FDPS: variants seen among roughly 807,000 people sequenced by gnomAD.
The protein encoded by FDPS is farnesyl pyrophosphate synthase.
FDPS carries 29 observed loss-of-function variants against 49.5 expected under a neutral mutation model. The ratio of observed to expected loss-of-function variants is 0.59; its 90% CI spans 0.44 to 0.80. The LOEUF is 0.80. Ranked by LOEUF, FDPS falls within the 30% of genes least tolerant of loss-of-function variation. The pLI, the probability that FDPS is intolerant of heterozygous loss-of-function variation, is 0.00. For synonymous variants in FDPS, 172 were observed against 206.4 expected, an observed-to-expected ratio of 0.83 and a Z score of 1.43; for missense variants, 414 against 525.6, an observed-to-expected ratio of 0.79 and a Z score of 2.08.
At position 155,309,903 on chromosome 1, in the gene FDPS, G is replaced by A; in HGVS notation, c.114G>A (p.Gly38=). The change falls in exon 2 of 11, where the codon GGG becomes GGA. Residue 38 remains glycine, a synonymous_variant. Transcript: ENST00000368356. ...TACGGCGGCCCTCCCTGGTGCACGG[G>A]TACCCAGTCCTGGCCTGGCACAGTG... ...GSLRRPSLVH[G]YPVLAWHSAR... 5 of 1,598,988 alleles carry A rather than the reference G, an allele frequency of 3.1e-6. No individual in the cohort carries two copies. Among genetic ancestry groups the A allele is most frequent in the South Asian group, 1.1e-5 (1 of 89,832 alleles).
intron 3 of FDPS, among the ~76,000 whole-genome samples, chr1:155,311,759 G>A (rs563312003): frequency 6.6e-6 from 1 of 152,202 alleles, no homozygotes; most frequent in East Asian, 1.9e-4. Context: ...GATGACTTGA[G>A]GTCAGTAGTT....
rs762376502 is a variant in FDPS at position 155,317,998 on chromosome 1, G to A, written c.538G>A (p.Gly180Arg). 1.9e-6 allele frequency: 3 copies of A among 1,613,756 alleles called. No individual in the cohort carries two copies. The highest frequency in any genetic ancestry group is 1.7e-5 in the Admixed American group (1 of 59,994). Residue 180 changes from glycine to arginine, a missense_variant, in exon 5 of 11, where the codon GGA becomes AGA. Gly to Arg is a moderately radical substitution (Grantham distance 125). Transcript: ENST00000368356. The part of the protein sequence containing the change: ...DIMDSSLTRR[G>R]QICWYQKPGV... ...CATGGATTCATCCCTTACCCGCCGG[G>A]GACAGATCTGCTGGTATCAGAAGGT...
rs138136567 is a variant in FDPS at position 155,312,060 on chromosome 1, G to A, written c.340-195G>A. On this transcript the variant is annotated intron_variant, in intron 3 of 10. Coordinates refer to ENST00000368356, the MANE Select transcript of FDPS (RefSeq NM_002004.4). ...CAGAAAGAATGTGCCTGGGTACTGG[G>A]ACCTCTTCTAGCTTTGCTCCAGAAA... 5.0e-3 allele frequency among the ~76,000 whole-genome samples: 755 copies of A among 152,292 alleles called. 4 individuals are homozygous for A. Among genetic ancestry groups the A allele is most frequent in the Middle Eastern group, 0.01 (3 of 294 alleles).
Position 155,318,950 on chromosome 1 carries a change from T to C in FDPS, c.846+22T>C. ...CATGGTGAGTGAGCCTCCTCACCCCTCTCTGCTCTGCTGATGGGGGCTTTT... is the reference window on the plus strand; with the variant it reads ...CATGGTGAGTGAGCCTCCTCACCCCCCTCTGCTCTGCTGATGGGGGCTTTT... On this transcript the variant is annotated intron_variant, in intron 8 of 10. Transcript: ENST00000368356. The surrounding 1 kb of genome is among the most constrained non-coding windows in gnomAD (Gnocchi z 4.2). 1 of 1,554,004 alleles carries C rather than the reference T, an allele frequency of 6.4e-7. No homozygotes were observed. The highest frequency in any genetic ancestry group is 8.9e-7 in the Non-Finnish European group (1 of 1,126,028).
In FDPS at chr1:155,310,155, G is replaced by A. The variant is rs780943048; in HGVS notation, c.289G>A (p.Asp97Asn). 40 of 1,613,800 alleles carry A rather than the reference G, an allele frequency of 2.5e-5. No homozygotes were observed. Among genetic ancestry groups the A allele is most frequent in the Non-Finnish European group, 3.2e-5 (38 of 1,179,852 alleles). ...CCAGATCGTTAGGGTGCTGACTGAGGATGAGATGGGGCACCCAGAGATAGG... is the reference window on the plus strand; with the variant it reads ...CCAGATCGTTAGGGTGCTGACTGAGAATGAGATGGGGCACCCAGAGATAGG... ...FSQIVRVLTE[D>N]EMGHPEIGDA... Residue 97 changes from aspartate to asparagine, a missense_variant, in exon 3 of 11, where the codon GAT becomes AAT. Transcript: ENST00000368356.
intron 8 of FDPS, 40 bp from the exon 9 acceptor site, chr1:155,319,571 A>T: frequency 6.2e-7 from 1 of 1,605,846 alleles, no homozygotes; most frequent in Non-Finnish European, 8.5e-7. Context: ...AGATGCCGGC[A>T]CCCCTGGGGT....
In FDPS at chr1:155,310,026, G is replaced by A; in HGVS notation, c.177-17G>A. The A allele has an allele frequency of 6.2e-7, 1 of 1,612,892 alleles. No individual in the cohort carries two copies. On this transcript the variant is annotated splice_polypyrimidine_tract_variant and intron_variant, in intron 2 of 10. Transcript: ENST00000368356. ...GAGCAGCTGATCAGGTTTCTGACTT[G>A]TTTTTCTTCTACTTAGAGCCCTTTG... is the stretch of plus-strand genomic sequence containing the variant.
chr1:155,309,611 C>A, intron 1 of FDPS, 178 bp from the exon 2 acceptor site: 1 of 541,696 alleles, frequency 1.8e-6, no homozygotes, highest in Non-Finnish European at 3.2e-6. Flanking sequence ...CCCAGCCATA[C>A]TTTTTTGTTC....
At chr1:155,319,015 C>T in intron 8 of FDPS, 87 bp downstream of exon 8, 1 of 958,646 alleles carries the variant, frequency 1.0e-6, no homozygotes, top group Admixed American at 1.9e-5. Context: ...AACACTGCTA[C>T]CCCTGGTGAA....
Position 155,309,919 on chromosome 1 carries a change from T to C in FDPS, c.130T>C (p.Trp44Arg). 6.2e-7 allele frequency: 1 copy of C among 1,603,156 alleles called. No homozygotes were observed. Among genetic ancestry groups the C allele is most frequent in the Non-Finnish European group, 8.5e-7 (1 of 1,173,060 alleles). ...GGTGCACGGGTACCCAGTCCTGGCC[T>C]GGCACAGTGCCCGCTGCTGGTGCCA... ...SLVHGYPVLA[W>R]HSARCWCQAW... The change falls in exon 2 of 11, where the codon TGG becomes CGG. Residue 44 changes from tryptophan to arginine, a missense_variant. By Grantham distance (101) the Trp-to-Arg change is moderately radical (BLOSUM62 -3). Transcript: ENST00000368356.
In FDPS at chr1:155,320,513, C is replaced by T. The variant is rs984081527; in HGVS notation, c.1164C>T (p.Tyr388=). ...TCTTGCAATATGAGGAAGACAGTTA[C>T]AGCCACATTATGGCTCTCATTGAAC... ...AVFLQYEEDS[Y]SHIMALIEQY... is the part of the protein sequence containing the mutation. Residue 388 remains tyrosine (Y), a synonymous_variant, in exon 11 of 11, where the codon TAC becomes TAT. Coordinates refer to ENST00000368356, the MANE Select transcript of FDPS (RefSeq NM_002004.4). 3 of 1,613,984 alleles carry T rather than the reference C, an allele frequency of 1.9e-6. No individual in the cohort carries two copies. The highest frequency in any genetic ancestry group is 1.1e-5 in the South Asian group (1 of 91,090).
Position 155,312,397 on chromosome 1 carries a change from T to G in FDPS, c.480+2T>G, listed in dbSNP as rs773507199. The G allele has an allele frequency of 4.5e-5, 73 of 1,612,960 alleles. No individual in the cohort carries two copies. The highest frequency in any genetic ancestry group is 6.1e-5 in the Non-Finnish European group (72 of 1,179,576). ...ACTGTGGGCTGGTGTGTGGAACTGGTGAGAGGGGTAGGGCAAGGGAGAAGA... is the reference window on the plus strand; with the variant it reads ...ACTGTGGGCTGGTGTGTGGAACTGGGGAGAGGGGTAGGGCAAGGGAGAAGA... On this transcript the variant is annotated splice_donor_variant, in intron 4 of 10. Coordinates refer to ENST00000368356, the MANE Select transcript of FDPS (RefSeq NM_002004.4). LOFTEE classifies it high-confidence loss of function.
intron 3 of FDPS, among the ~76,000 whole-genome samples, chr1:155,311,232 A>T (rs1025264699): frequency 6.6e-6 from 1 of 152,136 alleles, no homozygotes; most frequent in Non-Finnish European, 1.5e-5. Context: ...CCAGCTACTC[A>T]GGAGGCTGAG....
At chr1:155,309,765 G>A in intron 1 of FDPS, 24 bp from the exon 2 acceptor site, 1 of 1,510,714 alleles carries the variant, frequency 6.6e-7, no homozygotes, top group Middle Eastern at 2.1e-4. Context: ...AGTGCTTAGT[G>A]CCCCCTCCCT....
Position 155,312,352 on chromosome 1 carries a change from A to G in FDPS, c.437A>G (p.Asp146Gly). ...GTGGAGCCAAGGAAACAGGATGCTG[A>G]TAGTCTCCAGCGGGCCTGGACTGTG... Reference protein sequence around the residue: ...ELVEPRKQDADSLQRAWTVGW... With the variant: ...ELVEPRKQDAGSLQRAWTVGW... The change falls in exon 4 of 11, where the codon GAT (aspartate) becomes GGT (glycine). Residue 146 changes from aspartate to glycine, a missense_variant. Transcript: ENST00000368356. The G allele has an allele frequency of 6.2e-7, 1 of 1,613,864 alleles. No homozygotes were observed. Among genetic ancestry groups the G allele is most frequent in the Non-Finnish European group, 8.5e-7 (1 of 1,179,896 alleles).
intron 4 of FDPS, chr1:155,312,659 T>C: frequency 1.3e-5 from 5 of 392,872 alleles, no homozygotes; most frequent in Non-Finnish European, 2.4e-5. Flanking sequence ...GTGTCAGCTC[T>C]TTCCTCTGAG....
intron 10 of FDPS, 61 bp downstream of exon 10, chr1:155,319,989 A>C: frequency 2.4e-4 from 372 of 1,570,470 alleles, no homozygotes; most frequent in Non-Finnish European, 3.0e-4. Context: ...AGTGGTTCTC[A>C]ACTAGAGGCA....
rs1424030281 is a variant in FDPS at position 155,315,575 on chromosome 1, T to G, written c.481-2366T>G. On this transcript the variant is annotated intron_variant, in intron 4 of 10. Coordinates refer to ENST00000368356, the MANE Select transcript of FDPS (RefSeq NM_002004.4). ...GCAGGCGCCTGTAGTCCCAGCTATT[T>G]GGGAGGCTGAGGTAGGAGAATGGCG... is the stretch of plus-strand genomic sequence containing the variant. Among the ~76,000 whole-genome samples, 3 of 151,926 alleles carry G rather than the reference T, an allele frequency of 2.0e-5. No homozygotes were observed. In the East Asian group the frequency reaches 5.8e-4, roughly 29 times the overall value.
In FDPS at chr1:155,318,638, C is replaced by T. The variant is rs766711583; in HGVS notation, c.685-27C>T. 14 of 1,555,490 alleles carry T rather than the reference C, an allele frequency of 9.0e-6. No homozygotes were observed. The highest frequency in any genetic ancestry group is 1.7e-5 in the Admixed American group (1 of 59,870). ...TTTCGCATATCTGGAGAAAGCCTGGCTCATGGACCGTCTTTGTCTTGCTTA... is the reference window on the plus strand; with the variant it reads ...TTTCGCATATCTGGAGAAAGCCTGGTTCATGGACCGTCTTTGTCTTGCTTA... On this transcript the variant is annotated intron_variant, in intron 6 of 10. Transcript: ENST00000368356. The surrounding 1 kb of genome is among the most constrained non-coding windows in gnomAD (Gnocchi z 4.2).
Sources: allele counts gnomAD v4.1 joint callset (sites outside exome capture counted in the v4.1 genomes callset), GRCh38; gene constraint gnomAD v4.1.1; non-coding constraint Gnocchi (gnomAD v3.1); transcripts MANE v1.5; gene names NCBI Gene and HGNC (gene_info 2026-07-23, HGNC 2026-07-21).